CPA6: variants seen among roughly 807,000 people sequenced by gnomAD.
The protein encoded by CPA6 is carboxypeptidase A6.
In CPA6, 58 loss-of-function variants were observed where a neutral mutation model predicts 63.3. That is an observed-to-expected ratio of 0.92 (90% CI 0.74 to 1.14). The LOEUF (loss-of-function observed/expected upper bound fraction) is 1.14. CPA6 is among the 50% of genes most tolerant of loss of function. The pLI is 0.00. For missense variants in CPA6, 565 were observed against 526.6 expected (o/e 1.07, Z -0.71); for synonymous variants, 185 against 179.0 (o/e 1.03, Z -0.27).
intron 1 of CPA6, among the ~76,000 whole-genome samples, chr8:67,671,105 G>A (rs372544449): frequency 5.9e-4 from 90 of 152,274 alleles, no homozygotes; most frequent in African/African-American, 1.9e-3. Flanking sequence ...ATTCTGGCTG[G>A]TTGACTGCAG....
chr8:67,647,204 G>A (rs938765185), intron 1 of CPA6, among the ~76,000 whole-genome samples: 3 of 152,166 alleles, frequency 2.0e-5, no homozygotes, highest in African/African-American at 4.8e-5. Flanking sequence ...GGGAGGAAAA[G>A]AGGAGTTACA....
intron 6 of CPA6, among the ~76,000 whole-genome samples, chr8:67,488,889 T>G (rs544746053): frequency 7.3e-4 from 111 of 152,254 alleles, no homozygotes; most frequent in African/African-American, 2.4e-3. Flanking sequence ...TGTGATTTTT[T>G]CACATTGATT....
rs1354940582 is a variant in CPA6, at chr8:67,635,538, A to AG, written c.117-11288dup. 2.0e-5 allele frequency among the ~76,000 whole-genome samples: 3 copies of AG among 151,486 alleles called. No individual in the cohort carries two copies. In the East Asian group the frequency reaches 5.8e-4, roughly 29 times the overall value. Reference sequence around the variant, plus strand: ...ATCCCAGCACTTTGGGAAGCCAAGGAGGGGGGATCACCTGAGGTCAGGAGT... The same window carrying AG: ...ATCCCAGCACTTTGGGAAGCCAAGGAGGGGGGGATCACCTGAGGTCAGGAGT... On this transcript the variant is annotated intron_variant, in intron 1 of 10. Coordinates refer to ENST00000297770, the MANE Select transcript of CPA6 (RefSeq NM_020361.5).
chr8:67,666,355 C>T (rs190910531), intron 1 of CPA6, among the ~76,000 whole-genome samples: 1 of 152,254 alleles, frequency 6.6e-6, no homozygotes, highest in East Asian at 1.9e-4. Context: ...GTGTACAGTG[C>T]TACCCATTCC....
chr8:67,572,880 C>T (rs1813521361), intron 2 of CPA6, among the ~76,000 whole-genome samples: 1 of 152,136 alleles, frequency 6.6e-6, no homozygotes, highest in Admixed American at 6.5e-5. Context: ...ACGCAGAAAT[C>T]CTCAACAAAA....
At chr8:67,565,105 G>C (rs1813304199) in intron 2 of CPA6, among the ~76,000 whole-genome samples, 1 of 152,076 alleles carries the variant, frequency 6.6e-6, no homozygotes, top group South Asian at 2.1e-4. Context: ...GGATAATGGA[G>C]AGCAGGTGGG....
At chr8:67,598,562 G>T (rs1814408408) in intron 2 of CPA6, among the ~76,000 whole-genome samples, 2 of 152,198 alleles carry the variant, frequency 1.3e-5, no homozygotes, top group South Asian at 4.1e-4. Context: ...AACAAAATTT[G>T]CTGACATATA....
chr8:67,422,420 CT>C lies in CPA6; in HGVS notation c.*83del, dbSNP rs1809783264. 2 of 1,228,184 alleles carry C rather than the reference CT, an allele frequency of 1.6e-6. No individual in the cohort carries two copies. 76.1% of individuals were successfully genotyped at this position (1,228,184 alleles called of 1,614,324 possible). On this transcript the variant is annotated 3_prime_UTR_variant, in exon 11 of 11. Transcript: ENST00000297770. ...GACATGTTCACTCTAAGCAGCTGCC[CT>C]TCTCTTTGAAAACAATTTCTATCCA...
intron 2 of CPA6, among the ~76,000 whole-genome samples, chr8:67,559,476 G>A (rs770441929): frequency 6.6e-6 from 1 of 152,072 alleles, no homozygotes; most frequent in Non-Finnish European, 1.5e-5. Context: ...CCATGGCCAT[G>A]ATGTCCTACC....
intron 6 of CPA6, among the ~76,000 whole-genome samples, chr8:67,491,950 C>T (rs994527902): frequency 2.0e-5 from 3 of 152,176 alleles, no homozygotes; most frequent in Non-Finnish European, 4.4e-5. Context: ...AATCAGTTTA[C>T]ACACAGACAG....
At position 67,506,859 on chromosome 8, in the gene CPA6, A is replaced by C. The variant is rs368557550; in HGVS notation, c.564T>G (p.Ala188=). ...CATGAATACCACAGTCTATCCAAACAGCTCTTTTGAGTCGTGATCGTCTGC... is the reference window on the plus strand; with the variant it reads ...CATGAATACCACAGTCTATCCAAACCGCTCTTTTGAGTCGTGATCGTCTGC... ...KLGRRSRLKR[A]VWIDCGIHAR... is the part of the protein sequence containing the mutation. The change falls in exon 6 of 11, where the codon GCT becomes GCG. Residue 188 remains alanine (A), a synonymous_variant. Transcript: ENST00000297770. The C allele has an allele frequency of 8.7e-6, 14 of 1,613,484 alleles. No individual in the cohort carries two copies. In the African/African-American group the frequency reaches 1.9e-4, roughly 22 times the overall value.
At chr8:67,706,088 T>A (rs1453128123) in intron 1 of CPA6, among the ~76,000 whole-genome samples, 1 of 152,168 alleles carries the variant, frequency 6.6e-6, no homozygotes, top group Non-Finnish European at 1.5e-5. Context: ...GTTGTAATGG[T>A]CTGAGTCATA....
intron 2 of CPA6, among the ~76,000 whole-genome samples, chr8:67,607,113 TCCTC>T (rs1289066859): frequency 1.8e-4 from 15 of 84,218 alleles, no homozygotes; most frequent in East Asian, 1.7e-3. Context: ...TCTTTCCTCC[TCCTC>T]CTCCTCCTCC....
At chr8:67,624,808 G>A (rs1361584355) in intron 1 of CPA6, among the ~76,000 whole-genome samples, 3 of 152,062 alleles carry the variant, frequency 2.0e-5, no homozygotes, top group Non-Finnish European at 4.4e-5. Context: ...GAGGGCCGTC[G>A]GCGTTAGACA....
chr8:67,477,289 C>CAAAAAAA (rs10570927), intron 8 of CPA6, among the ~76,000 whole-genome samples: 1 of 66,492 alleles, frequency 1.5e-5, no homozygotes, highest in African/African-American at 5.6e-5. Context: ...GACTCCATCT[C>CAAAAAAA]AAAAAAAAAA....
At chr8:67,594,249 A>T (rs1483229735) in intron 2 of CPA6, among the ~76,000 whole-genome samples, 1 of 152,114 alleles carries the variant, frequency 6.6e-6, no homozygotes, top group Non-Finnish European at 1.5e-5. Context: ...CTGCCGAGAG[A>T]TCCGCTGTTA....
chr8:67,635,742 G>A (rs934617482), intron 1 of CPA6, among the ~76,000 whole-genome samples: 1 of 151,632 alleles, frequency 6.6e-6, no homozygotes, highest in Non-Finnish European at 1.5e-5. Context: ...ACTCCAGCCT[G>A]GGCAACAAAG....
At chr8:67,538,771 T>C (rs1812643436) in intron 2 of CPA6, among the ~76,000 whole-genome samples, 2 of 152,070 alleles carry the variant, frequency 1.3e-5, no homozygotes, top group East Asian at 1.9e-4. Context: ...GCCATTCTCC[T>C]GCCTCAGCCT....
chr8:67,722,100 C>A (rs1817512208), intron 1 of CPA6, among the ~76,000 whole-genome samples: 1 of 152,222 alleles, frequency 6.6e-6, no homozygotes, highest in Non-Finnish European at 1.5e-5. Context: ...AGCACTGGAG[C>A]CTCTCTGAAT....
Sources: allele counts gnomAD v4.1 joint callset (sites outside exome capture counted in the v4.1 genomes callset), GRCh38; gene constraint gnomAD v4.1.1; transcripts MANE v1.5; gene names NCBI Gene and HGNC (gene_info 2026-07-23, HGNC 2026-07-21).